The following KLHL1 variants were observed in gnomAD, a reference collection of about 807,000 sequenced individuals.
KLHL1 encodes kelch-like protein 1.
In KLHL1, 47 loss-of-function variants were observed where a neutral mutation model predicts 77.7. The ratio of observed to expected loss-of-function variants is 0.60; its 90% CI spans 0.48 to 0.77. KLHL1 has a LOEUF of 0.77. Among genes scored for constraint, KLHL1 ranks in the 30% least tolerant of loss-of-function variants. KLHL1 has a pLI of 0.00. For synonymous variants in KLHL1, 360 were observed against 325.2 expected (o/e 1.11, Z -1.15); for missense variants, 925 against 910.8 (o/e 1.02, Z -0.20).
chr13:70,067,611 C>T (rs1270788894), intron 1 of KLHL1, among the ~76,000 whole-genome samples: 1 of 150,590 alleles, frequency 6.6e-6, no homozygotes, highest in Admixed American at 6.7e-5. Flanking sequence ...GGTCTTAGTA[C>T]AGGGGCTCAG....
intron 3 of KLHL1, among the ~76,000 whole-genome samples, chr13:69,947,065 TG>T (rs1412348027): frequency 8.8e-6 from 1 of 114,140 alleles, no homozygotes; most frequent in African/African-American, 3.4e-5. Flanking sequence ...TGTGTGTGTG[TG>T]TGTGTGTGAA....
intron 5 of KLHL1, among the ~76,000 whole-genome samples, chr13:69,877,831 T>C (rs1265894280): frequency 6.6e-6 from 1 of 152,174 alleles, no homozygotes; most frequent in African/African-American, 2.4e-5. Context: ...CTGAAATCCA[T>C]ATCCTCTGTT....
chr13:70,028,305 G>C (rs1418873519), intron 1 of KLHL1, among the ~76,000 whole-genome samples: 2 of 152,104 alleles, frequency 1.3e-5, no homozygotes, highest in African/African-American at 4.8e-5. Flanking sequence ...TTACTTTGCG[G>C]CCCATGGACA....
At chr13:69,800,964 G>A (rs1003478982) in intron 6 of KLHL1, among the ~76,000 whole-genome samples, 2 of 152,260 alleles carry the variant, frequency 1.3e-5, no homozygotes, top group South Asian at 4.1e-4. Flanking sequence ...TTATTTTAGG[G>A]TTACTCTGTT....
At chr13:69,740,349 T>TA (rs1167896455) in intron 8 of KLHL1, 45 bp downstream of exon 8, 1 of 1,328,826 alleles carries the variant, frequency 7.5e-7, no homozygotes, top group Non-Finnish European at 1.0e-6. Flanking sequence ...ATTTACCCAA[T>TA]AACTTTTTTT....
At chr13:69,930,014 CT>C (rs1718492163) in intron 4 of KLHL1, among the ~76,000 whole-genome samples, 1 of 151,800 alleles carries the variant, frequency 6.6e-6, no homozygotes, top group Admixed American at 6.6e-5. Flanking sequence ...AATTTTTCAG[CT>C]GTTAAGATAT....
intron 9 of KLHL1, among the ~76,000 whole-genome samples, chr13:69,716,190 A>G (rs1336223599): frequency 6.6e-6 from 1 of 152,102 alleles, no homozygotes; most frequent in Non-Finnish European, 1.5e-5. Context: ...TAATTTCTCT[A>G]TCAATTCATT....
At chr13:70,007,123 A>C (rs961492887) in intron 1 of KLHL1, among the ~76,000 whole-genome samples, 9 of 151,992 alleles carry the variant, frequency 5.9e-5, no homozygotes, top group Non-Finnish European at 7.4e-5. Flanking sequence ...TGGAAAGTTA[A>C]TCTCAAAACA....
At chr13:69,726,754 C>A (rs1430516181) in intron 8 of KLHL1, among the ~76,000 whole-genome samples, 2 of 152,050 alleles carry the variant, frequency 1.3e-5, no homozygotes, top group African/African-American at 4.8e-5. Context: ...AACCTTAATC[C>A]CTCCGTGTTT....
At position 69,719,537 on chromosome 13, in the gene KLHL1, G is replaced by T. The variant is rs1872947425; in HGVS notation, c.1847C>A (p.Ser616Ter). ...GGRDGSSCLS[S>*]MEYYDPHTNK... Reference sequence around the variant, plus strand: ...TGTATGAGGATCATAATATTCCATTGAACTCAAACAGGAACTTCCATCACG... The same window carrying T: ...TGTATGAGGATCATAATATTCCATTTAACTCAAACAGGAACTTCCATCACG... Residue 616 changes from serine to a stop codon, truncating the protein, a stop_gained, in exon 9 of 11, where the codon TCA becomes TAA. Coordinates refer to ENST00000377844, the MANE Select transcript of KLHL1 (RefSeq NM_020866.3). LOFTEE classifies it high-confidence loss of function. The T allele has an allele frequency of 6.2e-7, 1 of 1,613,020 alleles. No individual in the cohort carries two copies. Among genetic ancestry groups the T allele is most frequent in the African/African-American group, 1.3e-5 (1 of 74,776 alleles).
chr13:69,769,943 G>A (rs1287550269), intron 7 of KLHL1, among the ~76,000 whole-genome samples: 2 of 152,114 alleles, frequency 1.3e-5, no homozygotes, highest in East Asian at 3.9e-4. Context: ...GCTCCTGTTT[G>A]CCAGACTATG....
At chr13:69,765,365 G>A (rs1875248096) in intron 7 of KLHL1, among the ~76,000 whole-genome samples, 1 of 152,130 alleles carries the variant, frequency 6.6e-6, no homozygotes, top group East Asian at 1.9e-4. Flanking sequence ...TATACTAATA[G>A]ATATCTTATA....
chr13:69,973,055 A>G (rs1256163037), intron 2 of KLHL1, among the ~76,000 whole-genome samples: 1 of 151,962 alleles, frequency 6.6e-6, no homozygotes, highest in African/African-American at 2.4e-5. Flanking sequence ...GGCCTAAAGC[A>G]CAAATGAGTT....
rs554565639 is a variant in KLHL1 at position 69,881,002 on chromosome 13, A to G, written c.1227+1281T>C. ...ACCCGCCCAAACTCTAATAGATACTACCTGGCATTAGAACCCAAGCTGGGA... is the reference window on the plus strand; with the variant it reads ...ACCCGCCCAAACTCTAATAGATACTGCCTGGCATTAGAACCCAAGCTGGGA... On this transcript the variant is annotated intron_variant, in intron 5 of 10. Transcript: ENST00000377844. Among the ~76,000 whole-genome samples the G allele has an allele frequency of 8.5e-5, 13 of 152,274 alleles. No individual in the cohort carries two copies. The South Asian group carries it at 1.2e-3, about 15-fold the overall frequency.
At chr13:70,036,087 AG>A (rs1182203094) in intron 1 of KLHL1, among the ~76,000 whole-genome samples, 1 of 151,988 alleles carries the variant, frequency 6.6e-6, no homozygotes, top group African/African-American at 2.4e-5. Context: ...CTTCTAAAGT[AG>A]TTATAGTGAC....
chr13:69,983,495 C>A (rs1476813665), intron 1 of KLHL1, among the ~76,000 whole-genome samples: 1 of 146,900 alleles, frequency 6.8e-6, no homozygotes, highest in African/African-American at 2.5e-5. Context: ...AGTCCTACCA[C>A]TTTGGGAGGT....
At chr13:69,837,660 G>GTA (rs1879073142) in intron 6 of KLHL1, among the ~76,000 whole-genome samples, 1 of 127,528 alleles carries the variant, frequency 7.8e-6, no homozygotes. Context: ...ATATATATGT[G>GTA]TGTGTGTGTG....
At chr13:69,997,174 T>C (rs1053549242) in intron 1 of KLHL1, among the ~76,000 whole-genome samples, 7 of 151,758 alleles carry the variant, frequency 4.6e-5, no homozygotes, top group Admixed American at 3.9e-4. Context: ...TGAGCCAATA[T>C]CACGCCACTG....
At chr13:69,837,643 TGTG>T (rs1879066544) in intron 6 of KLHL1, among the ~76,000 whole-genome samples, 13 of 130,998 alleles carry the variant, frequency 9.9e-5, no homozygotes, top group African/African-American at 4.0e-4. Flanking sequence ...TATATATATA[TGTG>T]TATATATATA....
Sources: allele counts gnomAD v4.1 joint callset (sites outside exome capture counted in the v4.1 genomes callset), GRCh38; gene constraint gnomAD v4.1.1; transcripts MANE v1.5; gene names NCBI Gene and HGNC (gene_info 2026-07-23, HGNC 2026-07-21).